SNTG1: variants seen among roughly 807,000 people sequenced by gnomAD.
The protein encoded by SNTG1 is syntrophin gamma 1.
SNTG1 carries 39 observed loss-of-function variants against 74.7 expected under a neutral mutation model. The ratio of observed to expected loss-of-function variants is 0.52; its 90% confidence interval spans 0.40 to 0.68. The LOEUF (loss-of-function observed/expected upper bound fraction) is 0.68, where lower values mean the gene tolerates loss of function less well. Ranked by LOEUF, SNTG1 falls within the 30% of genes least tolerant of loss-of-function variation. The pLI, the probability that SNTG1 is intolerant of heterozygous loss-of-function variation, is 0.00. For synonymous variants in SNTG1, 254 were observed against 217.1 expected (o/e 1.17, Z -1.49); for missense variants, 685 against 609.5 (o/e 1.12, Z -1.30).
At chr8:50,223,772 T>G (rs2085185368) in intron 2 of SNTG1, among the ~76,000 whole-genome samples, 1 of 152,262 alleles carries the variant, frequency 6.6e-6, no homozygotes, top group Middle Eastern at 3.5e-3. Flanking sequence ...TAGAGAAGAA[T>G]AATTTTTTTA....
At chr8:50,086,091 C>G (rs1437364644) in intron 1 of SNTG1, among the ~76,000 whole-genome samples, 1 of 152,056 alleles carries the variant, frequency 6.6e-6, no homozygotes, top group Admixed American at 6.6e-5. Context: ...TACAAGCTTT[C>G]ATGATTTTCT....
intron 12 of SNTG1, among the ~76,000 whole-genome samples, chr8:50,579,135 G>A (rs577723709): frequency 4.5e-4 from 68 of 152,262 alleles, no homozygotes; most frequent in African/African-American, 1.6e-3. Flanking sequence ...TAGTGATATG[G>A]ACAATGAAGT....
intron 1 of SNTG1, among the ~76,000 whole-genome samples, chr8:50,135,790 T>A (rs2081453254): frequency 1.3e-5 from 2 of 152,214 alleles, no homozygotes; most frequent in Non-Finnish European, 2.9e-5. Context: ...TTAGTTTAGT[T>A]TACTACATTT....
intron 1 of SNTG1, among the ~76,000 whole-genome samples, chr8:50,068,004 C>T (rs1821041917): frequency 6.6e-6 from 1 of 152,080 alleles, no homozygotes; most frequent in Non-Finnish European, 1.5e-5. Context: ...CCCAAACATT[C>T]CAGTAACAAC....
chr8:50,109,630 G>T (rs1424676511), intron 1 of SNTG1, among the ~76,000 whole-genome samples: 3 of 152,180 alleles, frequency 2.0e-5, no homozygotes, highest in Non-Finnish European at 4.4e-5. Context: ...CCATTGAGTG[G>T]TCTCATTCAA....
At chr8:50,714,916 T>C (rs528310411) in intron 17 of SNTG1, among the ~76,000 whole-genome samples, 11 of 152,200 alleles carry the variant, frequency 7.2e-5, no homozygotes, top group Admixed American at 5.2e-4. Flanking sequence ...ATTTTGAACT[T>C]TGGTTTTGTA....
intron 12 of SNTG1, among the ~76,000 whole-genome samples, chr8:50,580,695 T>C (rs1032346102): frequency 6.6e-6 from 1 of 152,172 alleles, no homozygotes; most frequent in South Asian, 2.1e-4. Flanking sequence ...ATGAAGGACG[T>C]CTTTGCTTCC....
At chr8:50,768,101 A>C (rs1156906275) in intron 18 of SNTG1, among the ~76,000 whole-genome samples, 1 of 151,956 alleles carries the variant, frequency 6.6e-6, no homozygotes, top group Non-Finnish European at 1.5e-5. Flanking sequence ...AATGGAGCTG[A>C]TCATCGGAGG....
chr8:50,033,716 T>C (rs1817926978), intron 1 of SNTG1, among the ~76,000 whole-genome samples: 1 of 152,124 alleles, frequency 6.6e-6, no homozygotes, highest in Non-Finnish European at 1.5e-5. Context: ...CTTATTATTG[T>C]AAGAACGCCA....
chr8:50,287,670 A>G (rs141445541), intron 2 of SNTG1, among the ~76,000 whole-genome samples: 15 of 152,176 alleles, frequency 9.9e-5, no homozygotes, highest in Non-Finnish European at 2.2e-4. Flanking sequence ...CTGCTTCCAC[A>G]ATTACCACCA....
chr8:50,583,394 C>CAAAAAAAAAAAAA (rs58794829), intron 12 of SNTG1, among the ~76,000 whole-genome samples: 5 of 82,414 alleles, frequency 6.1e-5, no homozygotes, highest in Non-Finnish European at 9.3e-5. Flanking sequence ...GAGTGAGACT[C>CAAAAAAAAAAAAA]AAAAAAAAAA....
rs1402947149 is a variant in SNTG1, at chr8:50,185,545, CTGAG to C, written c.-28+12912_-28+12915del. On this transcript the variant is annotated intron_variant, in intron 2 of 18. Coordinates refer to ENST00000642720, the MANE Select transcript of SNTG1 (RefSeq NM_018967.5). Reference sequence around the variant, plus strand: ...CTCATTTGACAGTTTCTTAAACTCTCTGAGTAAGTTCCCACATAGACCATACTGC... The same window carrying C: ...CTCATTTGACAGTTTCTTAAACTCTCTAAGTTCCCACATAGACCATACTGC... Among the ~76,000 whole-genome samples, 9 of 152,138 alleles carry C rather than the reference CTGAG, an allele frequency of 5.9e-5. No individual in the cohort carries two copies. In the East Asian group the frequency reaches 1.5e-3, roughly 26 times the overall value.
chr8:50,281,879 G>A (rs926154330), intron 2 of SNTG1, among the ~76,000 whole-genome samples: 2 of 152,134 alleles, frequency 1.3e-5, no homozygotes, highest in Admixed American at 6.6e-5. Context: ...ATGAGATATA[G>A]CAAATACAAG....
chr8:50,487,505 G>A (rs1037242235), intron 8 of SNTG1, among the ~76,000 whole-genome samples: 36 of 152,230 alleles, frequency 2.4e-4, no homozygotes, highest in Non-Finnish European at 4.6e-4. Context: ...ATACTATGCA[G>A]CCATAAAAAA....
chr8:49,997,255 C>T (rs1250802101), intron 1 of SNTG1, among the ~76,000 whole-genome samples: 1 of 152,030 alleles, frequency 6.6e-6, no homozygotes, highest in Non-Finnish European at 1.5e-5. Context: ...TTGTATCTCA[C>T]CCCATTCCCT....
chr8:50,206,449 G>T (rs1180169149), intron 2 of SNTG1, among the ~76,000 whole-genome samples: 2 of 152,164 alleles, frequency 1.3e-5, no homozygotes, highest in African/African-American at 2.4e-5. Context: ...TTTCTTATCA[G>T]CTTAAGGAGA....
At chr8:50,627,969 C>T (rs1189274424) in intron 13 of SNTG1, among the ~76,000 whole-genome samples, 1 of 152,190 alleles carries the variant, frequency 6.6e-6, no homozygotes, top group African/African-American at 2.4e-5. Flanking sequence ...CCCCTCTCTC[C>T]TCCCCAGGAT....
chr8:50,790,022 C>T (rs971938940), intron 18 of SNTG1, among the ~76,000 whole-genome samples: 1 of 152,068 alleles, frequency 6.6e-6, no homozygotes, highest in African/African-American at 2.4e-5. Context: ...AATATTTCCC[C>T]ACAAACATGG....
chr8:50,660,667 C>T (rs2095218118), intron 15 of SNTG1, among the ~76,000 whole-genome samples: 1 of 152,106 alleles, frequency 6.6e-6, no homozygotes, highest in Non-Finnish European at 1.5e-5. Context: ...TTTCTAACCA[C>T]TCTCCAAGTA....
Sources: allele counts gnomAD v4.1 joint callset (sites outside exome capture counted in the v4.1 genomes callset), GRCh38; gene constraint gnomAD v4.1.1; transcripts MANE v1.5; gene names NCBI Gene and HGNC (gene_info 2026-07-23, HGNC 2026-07-21).